PSD3: variants seen among roughly 807,000 people sequenced by gnomAD.
The protein encoded by PSD3 is pleckstrin and Sec7 domain containing 3, also known as PH and SEC7 domain-containing protein 3.
In PSD3, 49 loss-of-function variants were observed where a neutral mutation model predicts 105.5. The ratio of observed to expected loss-of-function variants is 0.46; its 90% confidence interval spans 0.37 to 0.59. PSD3 has a LOEUF of 0.59. PSD3 is among the 20% of genes least tolerant of loss of function. PSD3 has a pLI of 0.00. For missense variants in PSD3, 1,561 were observed against 1,263.8 expected (o/e 1.24, Z -3.57); for synonymous variants, 557 against 457.8 (o/e 1.22, Z -2.77).
At chr8:18,553,372 TGAGAACA>T (rs138696695) in intron 15 of PSD3, among the ~76,000 whole-genome samples, 16,109 of 152,212 alleles carry the variant, frequency 0.11, 897 homozygotes, top group South Asian at 0.22. Context: ...CTCACCTGGG[TGAGAACA>T]GTCACCAGGT....
At chr8:18,585,548 G>A (rs771923982) in intron 12 of PSD3, among the ~76,000 whole-genome samples, 1 of 151,974 alleles carries the variant, frequency 6.6e-6, no homozygotes. Context: ...GAACCCTTGG[G>A]CTTAAGCAAT....
At chr8:18,928,106 G>C (rs1333613060) in intron 2 of PSD3, among the ~76,000 whole-genome samples, 1 of 152,160 alleles carries the variant, frequency 6.6e-6, no homozygotes, top group Non-Finnish European at 1.5e-5. Context: ...CAAATGTATG[G>C]TTTGGCTGTG....
At chr8:18,829,683 C>G (rs1471311367) in intron 4 of PSD3, among the ~76,000 whole-genome samples, 1 of 152,088 alleles carries the variant, frequency 6.6e-6, no homozygotes, top group African/African-American at 2.4e-5. Flanking sequence ...ATGAAGCCTG[C>G]GGAAACCCTC....
At position 18,864,535 on chromosome 8, in the gene PSD3, C is replaced by T. The variant is rs556717793; in HGVS notation, c.1634+3139G>A. 4 of 152,254 alleles carry T rather than the reference C, an allele frequency of 2.6e-5. No individual in the cohort carries two copies. The South Asian group carries it at 8.3e-4, about 32-fold the overall frequency. 9.4% of individuals were successfully genotyped at this position (152,254 alleles called of 1,614,324 possible). A position where few individuals can be genotyped will look rare whatever the true frequency, so the allele number is the denominator to read the frequency against. ...AATATTTAATTTCCTTGGTTCATGT[C>T]TACCAAATATCAAGGAGGCGCGATC... is the stretch of plus-strand genomic sequence containing the variant. On this transcript the variant is annotated intron_variant, in intron 4 of 15. Transcript: ENST00000327040.
chr8:18,648,958 G>T (rs142275062), intron 10 of PSD3, among the ~76,000 whole-genome samples: 24 of 152,362 alleles, frequency 1.6e-4, no homozygotes, highest in African/African-American at 5.3e-4. Context: ...CGGAGCCTTT[G>T]CCTAGATGTC....
intron 8 of PSD3, among the ~76,000 whole-genome samples, chr8:18,784,056 A>T (rs986225795): frequency 7.2e-5 from 11 of 152,140 alleles, no homozygotes; most frequent in African/African-American, 2.2e-4. Context: ...TCATTCTATT[A>T]TGTCCAGAAA....
chr8:18,637,220 G>A (rs1370260999), intron 10 of PSD3, among the ~76,000 whole-genome samples: 1 of 152,120 alleles, frequency 6.6e-6, no homozygotes, highest in African/African-American at 2.4e-5. Context: ...CCAAAGTTAT[G>A]GGTGAGCTCT....
At position 18,872,457 on chromosome 8, in the gene PSD3, G is replaced by A. The variant is rs757971150; in HGVS notation, c.407C>T (p.Ser136Leu). Residue 136 changes from serine to leucine, a missense_variant, in exon 3 of 16, where the codon TCA becomes TTA. Coordinates refer to ENST00000327040, the MANE Select transcript of PSD3 (RefSeq NM_015310.4). ...QSLQPIDSLI[S>L]ALKATEARII... ...TCTGGCTTCTGTGGCTTTCAGAGCT[G>A]AAATCAAAGAGTCAATGGGCTGTAA... is the stretch of plus-strand genomic sequence containing the variant. 4 of 1,614,186 alleles carry A rather than the reference G, an allele frequency of 2.5e-6. No homozygotes were observed. Among genetic ancestry groups the A allele is most frequent in the South Asian group, 2.2e-5 (2 of 91,080 alleles).
chr8:18,573,947 A>C (rs998473881), intron 13 of PSD3, among the ~76,000 whole-genome samples: 40 of 152,306 alleles, frequency 2.6e-4, no homozygotes, highest in African/African-American at 9.4e-4. Context: ...TGGTACGTAA[A>C]GCATACCTCA....
At chr8:18,721,905 T>C (rs568166877) in intron 9 of PSD3, among the ~76,000 whole-genome samples, 86 of 152,286 alleles carry the variant, frequency 5.6e-4, no homozygotes, top group African/African-American at 1.9e-3. Flanking sequence ...TGCACACATA[T>C]TGTTCCCACT....
chr8:18,625,072 A>G (rs1806380952), intron 11 of PSD3, among the ~76,000 whole-genome samples: 1 of 151,928 alleles, frequency 6.6e-6, no homozygotes, highest in South Asian at 2.1e-4. Context: ...TTCTACCCAA[A>G]AGTCATGAAG....
intron 1 of PSD3, among the ~76,000 whole-genome samples, chr8:18,948,390 C>A (rs577819066): frequency 1.3e-5 from 2 of 152,152 alleles, no homozygotes; most frequent in East Asian, 3.9e-4. Context: ...TGAGGAAAAG[C>A]TGAAAACTAC....
chr8:18,811,977 T>C (rs758912461), intron 4 of PSD3, among the ~76,000 whole-genome samples: 1 of 152,180 alleles, frequency 6.6e-6, no homozygotes, highest in Non-Finnish European at 1.5e-5. Flanking sequence ...ACATACAAAT[T>C]GAAAGAAAAA....
chr8:18,942,023 G>C (rs1025442262), intron 1 of PSD3, among the ~76,000 whole-genome samples: 1 of 152,078 alleles, frequency 6.6e-6, no homozygotes, highest in Non-Finnish European at 1.5e-5. Flanking sequence ...AAATCAAAAA[G>C]ACGAAGCAGA....
intron 2 of PSD3, among the ~76,000 whole-genome samples, chr8:18,896,974 C>T (rs933719534): frequency 6.6e-6 from 1 of 151,856 alleles, no homozygotes; most frequent in Non-Finnish European, 1.5e-5. Context: ...CCATGCTCGG[C>T]TAATTTTGTA....
At chr8:18,799,707 T>A (rs1358776688) in intron 7 of PSD3, among the ~76,000 whole-genome samples, 1 of 152,138 alleles carries the variant, frequency 6.6e-6, no homozygotes, top group African/African-American at 2.4e-5. Context: ...CAGACAAGCA[T>A]TGCTTACAAT....
In PSD3 at chr8:18,604,720, C is replaced by T. The variant is rs76289487; in HGVS notation, c.2411-4286G>A. Among the ~76,000 whole-genome samples, 463 of 152,306 alleles carry T rather than the reference C, an allele frequency of 3.0e-3. 2 individuals carry two copies. The highest frequency in any genetic ancestry group is 0.011 in the African/African-American group (437 of 41,570). ...AGGAGGGAAGAATGGTTTCATGGGCCAGAGCCAGGGCACTGCTGCCCTGTG... is the reference window on the plus strand; with the variant it reads ...AGGAGGGAAGAATGGTTTCATGGGCTAGAGCCAGGGCACTGCTGCCCTGTG... On this transcript the variant is annotated intron_variant, in intron 11 of 15. Coordinates refer to ENST00000327040, the MANE Select transcript of PSD3 (RefSeq NM_015310.4).
In PSD3 at chr8:18,998,459, G is replaced by A. The variant is rs559968400; in HGVS notation, c.21+15104C>T. ...TCCCAGCACTTTGGGAGGCCGAGGC[G>A]GGTGGATCACAAGGTCGGGAGATTG... is the stretch of plus-strand genomic sequence containing the variant. On this transcript the variant is annotated intron_variant, in intron 1 of 15. Transcript: ENST00000327040. 1.5e-3 allele frequency among the ~76,000 whole-genome samples: 230 copies of A among 152,006 alleles called. 2 individuals are homozygous for A. Among genetic ancestry groups the A allele is most frequent in the African/African-American group, 3.6e-3 (149 of 41,422 alleles).
chr8:18,548,536 C>A (rs1800581232), intron 15 of PSD3, among the ~76,000 whole-genome samples: 1 of 152,102 alleles, frequency 6.6e-6, no homozygotes, highest in Admixed American at 6.5e-5. Context: ...CTACTCTATA[C>A]TTCTCATTTC....
Sources: gnomAD v4.1 joint callset for allele counts (sites outside exome capture counted in the v4.1 genomes callset) on GRCh38, gnomAD v4.1.1 for gene constraint, MANE v1.5 for transcripts, NCBI Gene and HGNC (gene_info 2026-07-23, HGNC 2026-07-21) for gene names.